The following MSI2 variants were observed in gnomAD, a reference collection of about 807,000 sequenced individuals.
MSI2 encodes musashi RNA binding protein 2.
In MSI2, 17 loss-of-function variants were observed where a neutral mutation model predicts 45.6. That is an observed-to-expected ratio of 0.37 (90% confidence interval 0.26 to 0.56). The LOEUF is 0.56. Among genes scored for constraint, MSI2 ranks in the 20% least tolerant of loss-of-function variants. The probability of loss-of-function intolerance (pLI) is 0.77; values close to 1 mark genes in which losing one functional copy is unlikely to be tolerated. For missense variants in MSI2, 293 were observed against 444.2 expected (o/e 0.66, Z 3.06); for synonymous variants, 156 against 158.2 (o/e 0.99, Z 0.11).
At chr17:57,383,832 C>T (rs2083640179) in intron 5 of MSI2, among the ~76,000 whole-genome samples, 1 of 152,122 alleles carries the variant, frequency 6.6e-6, no homozygotes, top group Non-Finnish European at 1.5e-5. Context: ...GCGAGGTTTA[C>T]CCCCAATGAA....
rs553318990 is a variant in MSI2 at position 57,501,879 on chromosome 17, G to A, written c.406-27797G>A. ...TATTTAAGATAACTTCAGTCACTGCGTAGCTCTGCAGGACAACCATTTATT... is the reference window on the plus strand; with the variant it reads ...TATTTAAGATAACTTCAGTCACTGCATAGCTCTGCAGGACAACCATTTATT... On this transcript the variant is annotated intron_variant, in intron 6 of 13. Coordinates refer to ENST00000284073, the MANE Select transcript of MSI2 (RefSeq NM_138962.4). Among the ~76,000 whole-genome samples the A allele has an allele frequency of 5.9e-5, 9 of 152,314 alleles. No individual in the cohort carries two copies. The East Asian group carries it at 1.2e-3, about 20-fold the overall frequency.
intron 7 of MSI2, among the ~76,000 whole-genome samples, chr17:57,534,677 T>C (rs1410466080): frequency 6.6e-6 from 1 of 152,188 alleles, no homozygotes; most frequent in Admixed American, 6.5e-5. Context: ...ATGGCGCCAT[T>C]GCACTCCAGC....
At chr17:57,259,567 A>G (rs539232576) in intron 4 of MSI2, among the ~76,000 whole-genome samples, 3 of 152,254 alleles carry the variant, frequency 2.0e-5, no homozygotes, top group Non-Finnish European at 2.9e-5. Flanking sequence ...TTCTCCTAAG[A>G]AAGAAACCCA....
intron 10 of MSI2, chr17:57,628,377 G>C (rs976118671): frequency 3.9e-5 from 6 of 152,252 alleles, no homozygotes; most frequent in African/African-American, 1.4e-4. Flanking sequence ...GGCTTGGCCT[G>C]GTCTTTGCCT....
intron 5 of MSI2, among the ~76,000 whole-genome samples, chr17:57,349,139 G>A (rs1331317610): frequency 2.6e-5 from 4 of 152,104 alleles, no homozygotes; most frequent in African/African-American, 7.2e-5. Context: ...TCTGCCTCGG[G>A]GTTGGAAGCC....
intron 6 of MSI2, among the ~76,000 whole-genome samples, chr17:57,432,226 C>G (rs1430686841): frequency 1.3e-5 from 2 of 152,160 alleles, no homozygotes; most frequent in East Asian, 3.8e-4. Flanking sequence ...GTTTCCTTGT[C>G]TGTGACGTAG....
At chr17:57,556,899 A>G (rs2087447839) in intron 7 of MSI2, among the ~76,000 whole-genome samples, 1 of 152,200 alleles carries the variant, frequency 6.6e-6, no homozygotes, top group Non-Finnish European at 1.5e-5. Context: ...TATATGTATA[A>G]TGTCTGGCCT....
the MSI2 span, among the ~76,000 whole-genome samples, chr17:57,694,864 A>C: frequency 2.0e-5 from 3 of 152,266 alleles, no homozygotes; most frequent in African/African-American, 4.8e-5. Flanking sequence ...CAATGTGTAC[A>C]TCCTCAGGTT....
chr17:57,644,628 G>A (rs994530054), intron 10 of MSI2, among the ~76,000 whole-genome samples: 21 of 152,072 alleles, frequency 1.4e-4, no homozygotes, highest in African/African-American at 3.4e-4. Flanking sequence ...GTTTGGATTC[G>A]GTGAAGCAAC....
At chr17:57,391,815 T>C (rs1202537562) in intron 5 of MSI2, among the ~76,000 whole-genome samples, 1 of 152,228 alleles carries the variant, frequency 6.6e-6, no homozygotes, top group Non-Finnish European at 1.5e-5. Flanking sequence ...TATGCAGAAA[T>C]GCACGACTTC....
At chr17:57,475,910 A>G (rs2085528056) in intron 6 of MSI2, among the ~76,000 whole-genome samples, 1 of 152,196 alleles carries the variant, frequency 6.6e-6, no homozygotes, top group African/African-American at 2.4e-5. Flanking sequence ...GTCCTCCCCC[A>G]GAAATCCTTG....
chr17:57,269,839 G>A (rs1046195885), intron 5 of MSI2, among the ~76,000 whole-genome samples: 18 of 152,072 alleles, frequency 1.2e-4, no homozygotes, highest in African/African-American at 4.3e-4. Flanking sequence ...GTCGCCTTTG[G>A]CTGAGTGTCT....
intron 10 of MSI2, among the ~76,000 whole-genome samples, chr17:57,638,177 G>T (rs950932896): frequency 2.6e-5 from 4 of 152,210 alleles, no homozygotes; most frequent in Non-Finnish European, 5.9e-5. Context: ...AGGCAAAGAT[G>T]TGTCCCCCCA....
At chr17:57,319,378 C>T (rs71387493) in intron 5 of MSI2, among the ~76,000 whole-genome samples, 14,377 of 152,184 alleles carry the variant, frequency 0.094, 854 homozygotes, top group Non-Finnish European at 0.14. Flanking sequence ...TGTCCAGATT[C>T]CCCCTGGAAA....
At chr17:57,464,673 C>T (rs2085298196) in intron 6 of MSI2, among the ~76,000 whole-genome samples, 1 of 152,132 alleles carries the variant, frequency 6.6e-6, no homozygotes. Flanking sequence ...AGGGCATCCT[C>T]CCACGCTGCT....
At chr17:57,444,165 A>G (rs1340155238) in intron 6 of MSI2, among the ~76,000 whole-genome samples, 2 of 152,242 alleles carry the variant, frequency 1.3e-5, no homozygotes, top group African/African-American at 4.8e-5. Context: ...GTGACCCTGC[A>G]GAATTCCTGC....
downstream of MSI2, among the ~76,000 whole-genome samples, chr17:57,688,942 G>A (rs937359439): frequency 5.9e-5 from 9 of 152,188 alleles, no homozygotes; most frequent in Non-Finnish European, 1.2e-4. Flanking sequence ...ATTTTTAAAA[G>A]AGCTGGGATC....
intron 5 of MSI2, among the ~76,000 whole-genome samples, chr17:57,393,495 G>C (rs921214007): frequency 6.6e-6 from 1 of 152,100 alleles, no homozygotes. Flanking sequence ...TCTATTTATG[G>C]ATGTACCACA....
In MSI2 at chr17:57,538,785, G is replaced by A. The variant is rs117196187; in HGVS notation, c.454+9061G>A. 5.7e-3 allele frequency among the ~76,000 whole-genome samples: 872 copies of A among 152,302 alleles called. 3 individuals carry two copies. Among genetic ancestry groups the A allele is most frequent in the Middle Eastern group, 0.02 (6 of 294 alleles). ...GTGCATGGAATATCTTTGAAAGGAT[G>A]CCTGCAAAATCGGTAACAAGGAGTT... On this transcript the variant is annotated intron_variant, in intron 7 of 13. Coordinates refer to ENST00000284073, the MANE Select transcript of MSI2 (RefSeq NM_138962.4).
Sources: allele counts gnomAD v4.1 joint callset (sites outside exome capture counted in the v4.1 genomes callset), GRCh38; gene constraint gnomAD v4.1.1; transcripts MANE v1.5; gene names NCBI Gene and HGNC (gene_info 2026-07-23, HGNC 2026-07-21).